CDC14A: variants seen among roughly 807,000 people sequenced by gnomAD.
The protein encoded by CDC14A is dual specificity protein phosphatase CDC14A.
In CDC14A, 53 loss-of-function variants were observed where a neutral mutation model predicts 74.4. The ratio of observed to expected loss-of-function variants is 0.71; its 90% CI spans 0.57 to 0.89. CDC14A has a LOEUF of 0.89. Among genes scored for constraint, CDC14A ranks in the 40% least tolerant of loss-of-function variants. The pLI, the probability that CDC14A is intolerant of heterozygous loss-of-function variation, is 0.00. For synonymous variants in CDC14A, 247 were observed against 258.4 expected (o/e 0.96, Z 0.43); for missense variants, 646 against 713.7 (o/e 0.91, Z 1.08).
chr1:100,465,361 ATTG>A (rs1410980110), intron 9 of CDC14A, among the ~76,000 whole-genome samples: 15 of 152,092 alleles, frequency 9.9e-5, no homozygotes, highest in African/African-American at 2.4e-4. Context: ...TCTTTTTGAG[ATTG>A]TTATTTCATT....
chr1:100,442,842 G>T, intron 6 of CDC14A, 92 bp from the exon 7 acceptor site: 1 of 850,406 alleles, frequency 1.2e-6, no homozygotes, highest in Non-Finnish European at 2.0e-6. Flanking sequence ...CTTCAGATTA[G>T]TGAGGATCAT....
chr1:100,383,650 T>C (rs1656454398), intron 3 of CDC14A: 2 of 152,634 alleles, frequency 1.3e-5, no homozygotes, highest in African/African-American at 4.8e-5. Flanking sequence ...TGTAAGAGAA[T>C]GATGCCTTGG....
intron 4 of CDC14A, among the ~76,000 whole-genome samples, chr1:100,410,206 T>C (rs1345876842): frequency 6.6e-6 from 1 of 150,390 alleles, no homozygotes; most frequent in Non-Finnish European, 1.5e-5. Flanking sequence ...AGTAAGACTC[T>C]GGCTAAAAAA....
intron 5 of CDC14A, among the ~76,000 whole-genome samples, chr1:100,436,233 G>A (rs149210646): frequency 6.6e-6 from 1 of 152,238 alleles, no homozygotes; most frequent in African/African-American, 2.4e-5. Flanking sequence ...AGATGGTCCC[G>A]ACTATATTGG....
intron 11 of CDC14A, among the ~76,000 whole-genome samples, chr1:100,488,658 C>G (rs1413488697): frequency 6.6e-6 from 1 of 152,188 alleles, no homozygotes; most frequent in Non-Finnish European, 1.5e-5. Flanking sequence ...TAATTAGATA[C>G]AGGTGCTGCT....
upstream of CDC14A, among the ~76,000 whole-genome samples, chr1:100,349,416 T>G (rs977351250): frequency 6.6e-6 from 1 of 152,332 alleles, no homozygotes; most frequent in Admixed American, 6.5e-5. Context: ...TTATCTTCCC[T>G]TGTAGACTGT....
intron 4 of CDC14A, among the ~76,000 whole-genome samples, chr1:100,400,773 C>G (rs892124477): frequency 6.6e-6 from 1 of 152,178 alleles, no homozygotes; most frequent in Admixed American, 6.5e-5. Context: ...CTTAACTTTT[C>G]TTGCCTGTTT....
chr1:100,418,939 C>G (rs540130897), intron 4 of CDC14A, among the ~76,000 whole-genome samples: 1 of 152,304 alleles, frequency 6.6e-6, no homozygotes, highest in African/African-American at 2.4e-5. Flanking sequence ...AATCCCAGCA[C>G]TTTGGGAGGC....
chr1:100,438,216 A>G (rs1342847307), intron 5 of CDC14A, among the ~76,000 whole-genome samples: 2 of 152,168 alleles, frequency 1.3e-5, no homozygotes, highest in Non-Finnish European at 2.9e-5. Flanking sequence ...ATTAATTTGA[A>G]AAGTGCATTT....
At chr1:100,351,625 C>T (rs1286495973), upstream of CDC14A, 3 of 792,464 alleles carry the variant, frequency 3.8e-6, no homozygotes, top group South Asian at 1.7e-5. Context: ...TCTCCTGTTC[C>T]CTCCGCGCCC....
chr1:100,517,791 T>G (rs1481728940), intron 15 of CDC14A, among the ~76,000 whole-genome samples: 2 of 152,228 alleles, frequency 1.3e-5, no homozygotes, highest in Non-Finnish European at 2.9e-5. Flanking sequence ...CTTAAGGAAT[T>G]TATTTAAATG....
In CDC14A at chr1:100,462,666, C is replaced by A. The variant is rs955967691; in HGVS notation, c.623C>A (p.Ala208Asp). The change falls in exon 9 of 16, where the codon GCC becomes GAC. Residue 208 changes from alanine to aspartate, a missense_variant. Ala to Asp is a moderately radical substitution (Grantham distance 126). Coordinates refer to ENST00000336454, the MANE Select transcript of CDC14A (RefSeq NM_003672.4). Reference sequence around the variant, plus strand: ...GTTCCTTTAGGTTATCCTCTTCACGCCCCTGAAGCCTACTTTCCTTATTTC... The same window carrying A: ...GTTCCTTTAGGTTATCCTCTTCACGACCCTGAAGCCTACTTTCCTTATTTC... Reference protein sequence around the residue: ...SKIENGYPLHAPEAYFPYFKK... With the variant: ...SKIENGYPLHDPEAYFPYFKK... The A allele has an allele frequency of 6.2e-7, 1 of 1,613,818 alleles. No homozygotes were observed. Among genetic ancestry groups the A allele is most frequent in the Non-Finnish European group, 8.5e-7 (1 of 1,179,856 alleles).
At chr1:100,436,905 G>T (rs1664405766) in intron 5 of CDC14A, among the ~76,000 whole-genome samples, 1 of 152,104 alleles carries the variant, frequency 6.6e-6, no homozygotes, top group South Asian at 2.1e-4. Flanking sequence ...TCACCTTTTG[G>T]TCAGGTGCAG....
rs1667426701 is a variant in CDC14A at position 100,462,671 on chromosome 1, G to A, written c.628G>A (p.Glu210Lys). 6.2e-7 allele frequency: 1 copy of A among 1,614,076 alleles called. No individual in the cohort carries two copies. Among genetic ancestry groups the A allele is most frequent in the East Asian group, 2.2e-5 (1 of 44,852 alleles). ...TTTAGGTTATCCTCTTCACGCCCCT[G>A]AAGCCTACTTTCCTTATTTCAAAAA... ...IENGYPLHAP[E>K]AYFPYFKKHN... is the part of the protein sequence containing the mutation. The change falls in exon 9 of 16, where the codon GAA (glutamate) becomes AAA (lysine). Residue 210 changes from glutamate to lysine, a missense_variant. Coordinates refer to ENST00000336454, the MANE Select transcript of CDC14A (RefSeq NM_003672.4).
At chr1:100,428,317 CTG>C (rs1236349142) in intron 5 of CDC14A, among the ~76,000 whole-genome samples, 1 of 152,164 alleles carries the variant, frequency 6.6e-6, no homozygotes, top group African/African-American at 2.4e-5. Flanking sequence ...GTGTCAAAAA[CTG>C]TATTCACTTT....
intron 4 of CDC14A, among the ~76,000 whole-genome samples, chr1:100,396,348 A>G (rs368423636): frequency 6.6e-6 from 1 of 152,206 alleles, no homozygotes; most frequent in African/African-American, 2.4e-5. Flanking sequence ...GAACTATTTC[A>G]GTATTTGAAC....
chr1:100,375,192 A>C (rs1655067497), intron 2 of CDC14A, among the ~76,000 whole-genome samples: 1 of 152,186 alleles, frequency 6.6e-6, no homozygotes, highest in African/African-American at 2.4e-5. Context: ...CTAGACAAGG[A>C]AACCGATGTG....
intron 10 of CDC14A, among the ~76,000 whole-genome samples, chr1:100,476,288 A>G (rs1002460153): frequency 2.6e-5 from 4 of 152,180 alleles, no homozygotes; most frequent in African/African-American, 7.2e-5. Flanking sequence ...CCCCGTCTCT[A>G]CTAAAAATAC....
In CDC14A at chr1:100,352,789, G is replaced by A. The variant is rs531750064; in HGVS notation, c.-166G>A. ...GGAATGTCCCCGGGGCGCCCGGCGC[G>A]CTGACCCCGAAGCCGCCTCCGCCTT... On this transcript the variant is annotated 5_prime_UTR_variant, in exon 1 of 16. Transcript: ENST00000336454. 2.8e-6 allele frequency: 4 copies of A among 1,426,338 alleles called. No individual in the cohort carries two copies. Among genetic ancestry groups the A allele is most frequent in the Non-Finnish European group, 3.6e-6 (4 of 1,096,872 alleles). The allele number at this position is 1,426,338 out of a possible 1,614,324, so 88.4% of individuals were successfully genotyped here.
Sources: allele counts gnomAD v4.1 joint callset (sites outside exome capture counted in the v4.1 genomes callset), GRCh38; gene constraint gnomAD v4.1.1; transcripts MANE v1.5; gene names NCBI Gene and HGNC (gene_info 2026-07-23, HGNC 2026-07-21).